Variants in CAMK1 observed in about 807,000 individuals in gnomAD.
CAMK1 encodes the protein calcium/calmodulin-dependent protein kinase type 1.
In CAMK1, 39 loss-of-function variants were observed where a neutral mutation model predicts 49.1. That is an observed-to-expected ratio of 0.79 (90% CI 0.62 to 1.04). The LOEUF is 1.04. Among genes scored for constraint, CAMK1 ranks in the 50% least tolerant of loss-of-function variants. The pLI, the probability that CAMK1 is intolerant of heterozygous loss-of-function variation, is 0.00. For missense variants in CAMK1, 457 were observed against 472.2 expected, an observed-to-expected ratio of 0.97 and a Z score of 0.30; for synonymous variants, 192 against 185.2, an observed-to-expected ratio of 1.04 and a Z score of -0.30.
intron 2 of CAMK1, chr3:9,766,246 C>T: frequency 1.4e-6 from 1 of 712,620 alleles, no homozygotes. Context: ...CAAAGGAAGT[C>T]CAACCTGAGA....
chr3:9,768,293 A>G (rs1362366436), intron 1 of CAMK1, among the ~76,000 whole-genome samples: 1 of 152,170 alleles, frequency 6.6e-6, no homozygotes, highest in Non-Finnish European at 1.5e-5. Context: ...CACATTTTTA[A>G]ATAGCTCTTT....
Position 9,761,493 on chromosome 3 carries a change from A to T in CAMK1, c.600T>A (p.Asp200Glu). ...LAQKPYSKAV[D>E]CWSIGVIAYI... ...AGGCGATGACACCTATGGACCAGCA[A>T]TCCACAGCCTTGCTGTAGGGCTTCT... The change falls in exon 7 of 12, where the codon GAT becomes GAA. Residue 200 changes from aspartate (D) to glutamate (E), a missense_variant. Physicochemically the swap from Asp to Glu is conservative, Grantham distance 45 (BLOSUM62 2). Transcript: ENST00000256460. The T allele has an allele frequency of 6.2e-7, 1 of 1,613,404 alleles. No homozygotes were observed. Among genetic ancestry groups the T allele is most frequent in the East Asian group, 2.2e-5 (1 of 44,838 alleles).
At chr3:9,759,897 C>T in intron 8 of CAMK1, 147 bp from the exon 9 acceptor site, 1 of 1,325,506 alleles carries the variant, frequency 7.5e-7, no homozygotes, top group Non-Finnish European at 1.0e-6. Flanking sequence ...AACCTATGCT[C>T]TTCTTCAGGC....
At chr3:9,767,890 A>G (rs933030981) in intron 1 of CAMK1, 109 bp from the exon 2 acceptor site, 2 of 1,369,234 alleles carry the variant, frequency 1.5e-6, no homozygotes, top group Non-Finnish European at 1.9e-6. Flanking sequence ...TCCTTGATTC[A>G]TCCATTTGAC....
At position 9,765,826 on chromosome 3, in the gene CAMK1, A is replaced by AT; in HGVS notation, c.147dup (p.Cys50MetfsTer17). 1 of 1,614,032 alleles carries AT rather than the reference A, an allele frequency of 6.2e-7. No homozygotes were observed. The highest frequency in any genetic ancestry group is 8.5e-7 in the Non-Finnish European group (1 of 1,179,980). ...CCCTCCAGGGCCTCCTTGGCAATGC[A>AT]TTTGATGGCCACCAGCTTCTGCGTC... On this transcript the variant is annotated frameshift_variant, in exon 3 of 12. Coordinates refer to ENST00000256460, the MANE Select transcript of CAMK1 (RefSeq NM_003656.5). LOFTEE classifies it high-confidence loss of function.
Position 9,757,711 on chromosome 3 carries a change from G to A in CAMK1, c.1030+18C>T. On this transcript the variant is annotated intron_variant, in intron 11 of 11. Coordinates refer to ENST00000256460, the MANE Select transcript of CAMK1 (RefSeq NM_003656.5). This position sits in a 1 kb window ranked among gnomAD's most constrained non-coding sequence, Gnocchi z 4.5. ...CTTTGTGGACCACCCATGCCCTTCT[G>A]CAGAGCCCGCTCCTCACCCCCAGCC... 1 of 1,614,008 alleles carries A rather than the reference G, an allele frequency of 6.2e-7. No homozygotes were observed. The highest frequency in any genetic ancestry group is 8.5e-7 in the Non-Finnish European group (1 of 1,179,988).
Position 9,763,026 on chromosome 3 carries a change from CG to C in CAMK1, c.316del (p.Arg106ValfsTer24). On this transcript the variant is annotated frameshift_variant, in exon 5 of 12. Transcript: ENST00000256460. LOFTEE classifies it high-confidence loss of function. ...QLVSGGELFDRIVEKGFYTER... is the reference protein window; with the variant it reads ...QLVSGGELFDXIVEKGFYTER... ...CGTGTAGAAGCCTTTTTCCACAATA[CG>C]GTCAAAGAGCTCCCCACCCGACACC... The C allele has an allele frequency of 6.2e-7, 1 of 1,614,054 alleles. No homozygotes were observed. The highest frequency in any genetic ancestry group is 8.5e-7 in the Non-Finnish European group (1 of 1,180,002).
intron 7 of CAMK1, 168 bp downstream of exon 7, chr3:9,761,293 C>G: frequency 1.4e-6 from 1 of 703,834 alleles, no homozygotes; most frequent in Non-Finnish European, 2.3e-6. Flanking sequence ...TGGCACAGTG[C>G]TTGAAACATA....
At chr3:9,761,411 C>G (rs565634399) in intron 7 of CAMK1, 50 bp downstream of exon 7, 4 of 1,560,114 alleles carry the variant, frequency 2.6e-6, no homozygotes, top group South Asian at 2.4e-5. Context: ...GGAAAGTAGG[C>G]GAGAGGACAA....
At position 9,757,723 on chromosome 3, in the gene CAMK1, C is replaced by G; in HGVS notation, c.1030+6G>C. On this transcript the variant is annotated splice_donor_region_variant and intron_variant, in intron 11 of 11. Coordinates refer to ENST00000256460, the MANE Select transcript of CAMK1 (RefSeq NM_003656.5). This position sits in a 1 kb window ranked among gnomAD's most constrained non-coding sequence, Gnocchi z 4.5. ...CCCATGCCCTTCTGCAGAGCCCGCTCCTCACCCCCAGCCACTGGTGTCAGC... is the reference window on the plus strand; with the variant it reads ...CCCATGCCCTTCTGCAGAGCCCGCTGCTCACCCCCAGCCACTGGTGTCAGC... The G allele has an allele frequency of 1.2e-6, 2 of 1,614,146 alleles. No individual in the cohort carries two copies. Among genetic ancestry groups the G allele is most frequent in the African/African-American group, 2.7e-5 (2 of 75,064 alleles).
At chr3:9,760,614 C>G (rs769503002) in intron 8 of CAMK1, 42 bp downstream of exon 8, 2 of 1,608,250 alleles carry the variant, frequency 1.2e-6, no homozygotes, top group Middle Eastern at 1.7e-4. Context: ...GAGGGAGGAA[C>G]CAGAGGCAGG....
intron 3 of CAMK1, among the ~76,000 whole-genome samples, chr3:9,764,640 T>TTTTTTTA (rs2078063384): frequency 6.7e-6 from 1 of 148,760 alleles, no homozygotes; most frequent in Non-Finnish European, 1.5e-5. Context: ...TTTTTTTTTT[T>TTTTTTTA]TTTTTGAGAT....
chr3:9,762,857 G>T (rs917398237), intron 5 of CAMK1, 57 bp downstream of exon 5: 35 of 1,577,298 alleles, frequency 2.2e-5, no homozygotes, highest in Non-Finnish European at 3.0e-5. Context: ...ACAGTTTGGG[G>T]TTTGCAAAGG....
At chr3:9,759,212 T>C in intron 10 of CAMK1, 6 of 1,614,178 alleles carry the variant, frequency 3.7e-6, no homozygotes, top group Non-Finnish European at 5.1e-6. Context: ...ACCACTTTTA[T>C]GACCTTTCTC....
Position 9,759,912 on chromosome 3 carries a change from C to T in CAMK1, c.746-162G>A, listed in dbSNP as rs989431539. ...AACCTATGCTCTTCTTCAGGCCCTC[C>T]CACCCCGTGCCTTCCAGCTCTTTCC... On this transcript the variant is annotated intron_variant, in intron 8 of 11. Transcript: ENST00000256460. The T allele has an allele frequency of 4.4e-5, 48 of 1,089,724 alleles. 1 individual carries two copies. The African/African-American group carries it at 7.3e-4, about 17-fold the overall frequency. 67.5% of individuals were successfully genotyped at this position (1,089,724 alleles called of 1,614,324 possible). A position where few individuals can be genotyped will look rare whatever the true frequency, so the allele number is the denominator to read the frequency against.
rs992180079 is a variant in CAMK1, at chr3:9,767,678, A to G, written c.72T>C (p.Asp24=). The G allele has an allele frequency of 6.2e-7, 1 of 1,613,998 alleles. No homozygotes were observed. Among genetic ancestry groups the G allele is most frequent in the Non-Finnish European group, 8.5e-7 (1 of 1,179,974 alleles). ...EDIRDIYDFR[D]VLGTGAFSEV... The stretch of plus-strand genomic sequence containing the variant: ...TGCCCTGGACTCACGTGCCCAGAAC[A>G]TCTCGGAAGTCGTAGATGTCTCTAA... The change falls in exon 2 of 12, where the codon GAT becomes GAC. Residue 24 remains aspartate (D), a synonymous_variant. Transcript: ENST00000256460.
At chr3:9,768,368 C>T (rs1418651369) in intron 1 of CAMK1, among the ~76,000 whole-genome samples, 1 of 152,208 alleles carries the variant, frequency 6.6e-6, no homozygotes, top group East Asian at 1.9e-4. Context: ...CTCCTGACTC[C>T]CCATCTGGGT....
At chr3:9,760,561 C>G in intron 8 of CAMK1, 95 bp downstream of exon 8, 1 of 1,284,766 alleles carries the variant, frequency 7.8e-7, no homozygotes, top group Non-Finnish European at 1.1e-6. Flanking sequence ...GCTGGAAAAT[C>G]CGACAGAAGG....
At position 9,761,707 on chromosome 3, in the gene CAMK1, G is replaced by A; in HGVS notation, c.480C>T (p.Ile160=). The change falls in exon 6 of 12, where the codon ATC becomes ATT. Residue 160 remains isoleucine, a synonymous_variant. Transcript: ENST00000256460. ...YSLDEDSKIM[I]SDFGLSKMED... Reference sequence around the variant, plus strand: ...CCATCTTGGAGAGGCCAAAGTCGGAGATCATGATTTTGGAGTCTTCATCCA... The same window carrying A: ...CCATCTTGGAGAGGCCAAAGTCGGAAATCATGATTTTGGAGTCTTCATCCA... 6.2e-7 allele frequency: 1 copy of A among 1,614,178 alleles called. No homozygotes were observed. Among genetic ancestry groups the A allele is most frequent in the Non-Finnish European group, 8.5e-7 (1 of 1,180,022 alleles).
Sources: gnomAD v4.1 joint callset for allele counts (sites outside exome capture counted in the v4.1 genomes callset) on GRCh38, gnomAD v4.1.1 for gene constraint, Gnocchi (gnomAD v3.1) non-coding constraint, MANE v1.5 for transcripts, NCBI Gene and HGNC (gene_info 2026-07-23, HGNC 2026-07-21) for gene names.